Variants in CENPV observed in about 807,000 individuals in gnomAD.
CENPV encodes the protein centromere protein V.
In CENPV, 15 loss-of-function variants were observed where a neutral mutation model predicts 26.4. The observed-to-expected ratio is 0.57, with a 90% CI of 0.38 to 0.88. The LOEUF is 0.88. CENPV is among the 40% of genes least tolerant of loss of function. The pLI is 0.00. For synonymous variants in CENPV, 172 were observed against 165.5 expected (o/e 1.04, Z -0.30); for missense variants, 336 against 376.5 (o/e 0.89, Z 0.89).
At chr17:16,344,868 T>C (rs2093198859) in intron 3 of CENPV, 157 bp from the exon 4 acceptor site, 1 of 315,002 alleles carries the variant, frequency 3.2e-6, no homozygotes, top group Admixed American at 5.1e-5. Flanking sequence ...CCTGCATGGG[T>C]TCAAGAGATT....
At chr17:16,349,882 T>C in intron 2 of CENPV, 49 bp downstream of exon 2, 1 of 1,603,084 alleles carries the variant, frequency 6.2e-7, no homozygotes, top group Non-Finnish European at 8.5e-7. Context: ...ATATTGCATT[T>C]TAACTCTGAA....
At chr17:16,348,538 T>C (rs2093216990) in intron 3 of CENPV, 78 bp downstream of exon 3, 18 of 1,597,894 alleles carry the variant, frequency 1.1e-5, no homozygotes, top group Non-Finnish European at 1.5e-5. Context: ...ACAGACGGCA[T>C]GCTAACAGTT....
At chr17:16,347,544 G>A (rs1357640454) in intron 3 of CENPV, 2 of 151,950 alleles carry the variant, frequency 1.3e-5, no homozygotes, top group Non-Finnish European at 2.9e-5. Flanking sequence ...GCTCCTTGTA[G>A]AGCAGGGTGT....
At chr17:16,348,745 A>C in intron 2 of CENPV, 60 bp from the exon 3 acceptor site, 1 of 1,605,708 alleles carries the variant, frequency 6.2e-7, no homozygotes. Context: ...TCTATGCCTG[A>C]GCGGCCCAGC....
chr17:16,343,984 C>T (rs559126655), intron 4 of CENPV, among the ~76,000 whole-genome samples: 8 of 152,112 alleles, frequency 5.3e-5, no homozygotes, highest in Non-Finnish European at 8.8e-5. Context: ...GGCCCTGAAG[C>T]GGGGCTTGGA....
Position 16,352,124 on chromosome 17 carries a change from GT to G in CENPV, c.410+902del, listed in dbSNP as rs1568870682. Among the ~76,000 whole-genome samples the G allele has an allele frequency of 6.6e-5, 10 of 152,286 alleles. 1 individual carries two copies. In the South Asian group the frequency reaches 1.9e-3, roughly 28 times the overall value. ...TGCAATTGCTAGGTTATTCTTGTCG[GT>G]TTTTTCCCCCTAGTGTTTTGATTGT... On this transcript the variant is annotated intron_variant, in intron 1 of 4. Transcript: ENST00000299736.
At chr17:16,346,783 C>T (rs1365815455) in intron 3 of CENPV, among the ~76,000 whole-genome samples, 5 of 150,658 alleles carry the variant, frequency 3.3e-5, no homozygotes, top group East Asian at 3.9e-4. Context: ...AAACAACGTA[C>T]GTGGTATGCT....
chr17:16,348,489 C>G, intron 3 of CENPV, 127 bp downstream of exon 3: 1 of 1,520,986 alleles, frequency 6.6e-7, no homozygotes, highest in Non-Finnish European at 8.9e-7. Flanking sequence ...AACCAAAGCC[C>G]GTGAGAGGCC....
intron 1 of CENPV, 67 bp downstream of exon 1, chr17:16,352,960 A>G: frequency 2.1e-6 from 3 of 1,453,236 alleles, no homozygotes; most frequent in Admixed American, 2.7e-5. Flanking sequence ...GCGGGCTGCG[A>G]GCCCGACTCC....
chr17:16,347,762 G>C (rs1479312842), intron 3 of CENPV: 1 of 152,162 alleles, frequency 6.6e-6, no homozygotes, highest in Non-Finnish European at 1.5e-5. Flanking sequence ...GGAGACTGGG[G>C]CATGGGGACA....
chr17:16,353,281 C>A lies in CENPV; in HGVS notation c.156G>T (p.Ala52=), dbSNP rs758129700. 1.8e-5 allele frequency: 25 copies of A among 1,420,690 alleles called. No homozygotes were observed. The Admixed American group carries it at 2.3e-4, about 13-fold the overall frequency. 88.0% of individuals were successfully genotyped at this position (1,420,690 alleles called of 1,614,324 possible). ...SASQAGSKSQ[A]VEKPPSEKPR... is the part of the protein sequence containing the mutation. Reference sequence around the variant, plus strand: ...GCTTCTCCGACGGCGGCTTCTCCACCGCCTGGCTCTTGCTCCCGGCCTGGC... The same window carrying A: ...GCTTCTCCGACGGCGGCTTCTCCACAGCCTGGCTCTTGCTCCCGGCCTGGC... Residue 52 remains alanine, a synonymous_variant, in exon 1 of 5, where the codon GCG becomes GCT. Coordinates refer to ENST00000299736, the MANE Select transcript of CENPV (RefSeq NM_181716.3).
chr17:16,352,844 G>C (rs948176628), intron 1 of CENPV, among the ~76,000 whole-genome samples, 183 bp downstream of exon 1: 2 of 151,242 alleles, frequency 1.3e-5, no homozygotes, highest in African/African-American at 4.9e-5. Flanking sequence ...GCACCGCCCC[G>C]CCCCGCCGCC....
intron 3 of CENPV, among the ~76,000 whole-genome samples, chr17:16,345,284 C>A (rs9907261): frequency 2.2e-5 from 3 of 138,062 alleles, no homozygotes; most frequent in South Asian, 4.7e-4. Context: ...AAAAAAAACA[C>A]CTTTGGCCAG....
rs745773466 is a variant in CENPV, at chr17:16,353,014, C to T, written c.410+13G>A. On this transcript the variant is annotated intron_variant, in intron 1 of 4. Transcript: ENST00000299736. ...GGCAACGGCTCCCGCGCCCCCCGGC[C>T]CGCCGCACTCACAAGGTGTCTAGCA... 4 of 1,550,800 alleles carry T rather than the reference C, an allele frequency of 2.6e-6. No individual in the cohort carries two copies. Among genetic ancestry groups the T allele is most frequent in the Non-Finnish European group, 3.5e-6 (4 of 1,151,448 alleles).
At chr17:16,347,957 TAA>T (rs1364564071) in intron 3 of CENPV, 2 of 152,192 alleles carry the variant, frequency 1.3e-5, no homozygotes, top group Non-Finnish European at 2.9e-5. Flanking sequence ...TTAATAAACA[TAA>T]GACAATAGGT....
In CENPV at chr17:16,353,231, C is replaced by T. The variant is rs2093235088; in HGVS notation, c.206G>A (p.Arg69Gln). The T allele has an allele frequency of 7.2e-7, 1 of 1,393,464 alleles. No individual in the cohort carries two copies. The highest frequency in any genetic ancestry group is 9.3e-7 in the Non-Finnish European group (1 of 1,076,260). 86.3% of individuals were successfully genotyped at this position (1,393,464 alleles called of 1,614,324 possible). A position where few individuals can be genotyped will look rare whatever the true frequency, so the allele number is the denominator to read the frequency against. ...EKPRLRRSSP[R>Q]AQEEGPGEPP... ...CTCCCCCGGGCCCTCCTCCTGGGCC[C>T]GCGGCGACGAGCGCCTCAGCCGCGG... The change falls in exon 1 of 5, where the codon CGG becomes CAG. Residue 69 changes from arginine (R) to glutamine (Q), a missense_variant. Coordinates refer to ENST00000299736, the MANE Select transcript of CENPV (RefSeq NM_181716.3).
At chr17:16,344,531 T>G in intron 4 of CENPV, 66 bp downstream of exon 4, 1 of 920,098 alleles carries the variant, frequency 1.1e-6, no homozygotes, top group Non-Finnish European at 1.6e-6. Context: ...CAAATAAGAC[T>G]TTAAATGAGA....
At chr17:16,352,557 A>G (rs1412192199) in intron 1 of CENPV, among the ~76,000 whole-genome samples, 1 of 152,070 alleles carries the variant, frequency 6.6e-6, no homozygotes, top group Non-Finnish European at 1.5e-5. Flanking sequence ...AAAACTATTC[A>G]TGCTTCCTTC....
intron 1 of CENPV, 104 bp downstream of exon 1, chr17:16,352,923 G>C (rs1163915446): frequency 1.9e-5 from 26 of 1,373,384 alleles, no homozygotes; most frequent in Non-Finnish European, 3.8e-6. Context: ...GGAAGGCTCA[G>C]AGCTGAAAGG....
Sources: gnomAD v4.1 joint callset for allele counts (sites outside exome capture counted in the v4.1 genomes callset) on GRCh38, gnomAD v4.1.1 for gene constraint, MANE v1.5 for transcripts, NCBI Gene and HGNC (gene_info 2026-07-23, HGNC 2026-07-21) for gene names.